LRP1B: variants seen among roughly 807,000 people sequenced by gnomAD.
LRP1B encodes the protein low-density lipoprotein receptor-related protein 1B.
LRP1B carries 217 observed loss-of-function variants against 556.6 expected under a neutral mutation model. That is an observed-to-expected ratio of 0.39 (90% CI 0.35 to 0.44). LRP1B has a LOEUF of 0.44. LRP1B is among the 20% of genes least tolerant of loss of function. The probability of loss-of-function intolerance (pLI) is 1.00; values close to 1 mark genes in which losing one functional copy is unlikely to be tolerated. For synonymous variants in LRP1B, 2,047 were observed against 1,865.8 expected (o/e 1.10, Z -2.50); for missense variants, 5,053 against 5,620.8 (o/e 0.90, Z 3.23).
chr2:140,519,559 T>A (rs1447979953), intron 49 of LRP1B, among the ~76,000 whole-genome samples: 4 of 152,118 alleles, frequency 2.6e-5, no homozygotes, highest in Non-Finnish European at 5.9e-5. Flanking sequence ...GGGCAAGGAC[T>A]TCATGACTAA....
intron 20 of LRP1B, among the ~76,000 whole-genome samples, chr2:140,927,227 C>A (rs953672592): frequency 6.6e-5 from 10 of 152,128 alleles, no homozygotes; most frequent in Non-Finnish European, 1.2e-4. Context: ...ATCACTTGAA[C>A]CCAGGAGGCA....
At chr2:140,367,775 A>T (rs1682827293) in intron 71 of LRP1B, among the ~76,000 whole-genome samples, 1 of 151,736 alleles carries the variant, frequency 6.6e-6, no homozygotes, top group South Asian at 2.1e-4. Context: ...TAATGACTAA[A>T]TCTCATCGCA....
intron 3 of LRP1B, among the ~76,000 whole-genome samples, chr2:141,281,415 G>C (rs754811060): frequency 1.3e-5 from 2 of 152,052 alleles, no homozygotes; most frequent in African/African-American, 2.4e-5. Context: ...AGTTACAAGA[G>C]AGACATTGGT....
intron 84 of LRP1B, among the ~76,000 whole-genome samples, chr2:140,291,626 C>T (rs952104445): frequency 3.9e-5 from 6 of 151,918 alleles, no homozygotes; most frequent in African/African-American, 1.5e-4. Context: ...CATGTCCGTA[C>T]AAAGGACATG....
chr2:141,620,827 T>G (rs541097501), intron 2 of LRP1B, among the ~76,000 whole-genome samples: 5 of 152,276 alleles, frequency 3.3e-5, no homozygotes, highest in Non-Finnish European at 5.9e-5. Context: ...ATAGTATTGA[T>G]TTTTTTAAGT....
At chr2:141,201,182 C>T (rs1681999093) in intron 6 of LRP1B, among the ~76,000 whole-genome samples, 2 of 152,180 alleles carry the variant, frequency 1.3e-5, no homozygotes, top group Admixed American at 1.3e-4. Context: ...AACACCATAA[C>T]ACGGTGCGAA....
chr2:141,365,971 C>A (rs867007311), intron 3 of LRP1B, among the ~76,000 whole-genome samples: 1 of 152,100 alleles, frequency 6.6e-6, no homozygotes, highest in Non-Finnish European at 1.5e-5. Context: ...CCGCACCCGG[C>A]CAACAAGTTC....
intron 1 of LRP1B, among the ~76,000 whole-genome samples, chr2:141,961,924 C>A: frequency 6.6e-6 from 1 of 151,552 alleles, no homozygotes; most frequent in South Asian, 2.1e-4. Context: ...ATTGTGTTTA[C>A]GAATGGAAAA....
chr2:140,798,961 T>C (rs763764422), intron 32 of LRP1B, among the ~76,000 whole-genome samples: 6 of 152,124 alleles, frequency 3.9e-5, no homozygotes, highest in Admixed American at 3.9e-4. Context: ...TGTGTGTAAG[T>C]TATCCGGAAC....
chr2:141,827,450 G>A (rs137989667), intron 1 of LRP1B, among the ~76,000 whole-genome samples: 8 of 152,122 alleles, frequency 5.3e-5, no homozygotes, highest in African/African-American at 1.9e-4. Flanking sequence ...CCCTAGTTCT[G>A]TCTGCCCAGC....
At chr2:141,609,631 T>G (rs1307730046) in intron 2 of LRP1B, among the ~76,000 whole-genome samples, 1 of 152,174 alleles carries the variant, frequency 6.6e-6, no homozygotes, top group Admixed American at 6.5e-5. Flanking sequence ...TCATAAAAAT[T>G]TAACAATTGA....
intron 84 of LRP1B, among the ~76,000 whole-genome samples, chr2:140,293,716 C>T (rs1683491580): frequency 6.6e-6 from 1 of 152,088 alleles, no homozygotes; most frequent in Non-Finnish European, 1.5e-5. Flanking sequence ...ATGTTTTTGT[C>T]AGCTGTTGAA....
chr2:141,684,753 T>C (rs1045987249), intron 2 of LRP1B, among the ~76,000 whole-genome samples: 1 of 152,042 alleles, frequency 6.6e-6, no homozygotes, highest in Non-Finnish European at 1.5e-5. Flanking sequence ...ATGGAGCAAA[T>C]CTTTGTGATA....
At chr2:140,270,184 A>G in intron 86 of LRP1B, 58 bp downstream of exon 86, 1 of 1,188,178 alleles carries the variant, frequency 8.4e-7, no homozygotes, top group South Asian at 1.2e-5. Context: ...TAGAACAGGG[A>G]TTTCATGTAC....
At chr2:141,161,154 A>T (rs1433386297) in intron 7 of LRP1B, among the ~76,000 whole-genome samples, 1 of 151,998 alleles carries the variant, frequency 6.6e-6, no homozygotes, top group Non-Finnish European at 1.5e-5. Flanking sequence ...TTAGTGCAAA[A>T]TTTTTTAAAA....
At chr2:141,285,171 C>T (rs1359528418) in intron 3 of LRP1B, among the ~76,000 whole-genome samples, 2 of 149,002 alleles carry the variant, frequency 1.3e-5, no homozygotes, top group Non-Finnish European at 3.0e-5. Context: ...AATCTTGGCT[C>T]ACTGCACCCT....
chr2:140,274,481 A>G lies in LRP1B; in HGVS notation c.13085T>C (p.Val4362Ala). 1 of 1,612,774 alleles carries G rather than the reference A, an allele frequency of 6.2e-7. No individual in the cohort carries two copies. ...AATGCAGTGCCCCCCATGGCACCTTACACACTTGTCAACCTCACATTTTGG... is the reference window on the plus strand; with the variant it reads ...AATGCAGTGCCCCCCATGGCACCTTGCACACTTGTCAACCTCACATTTTGG... ...EGPKCEVDKC[V>A]RCHGGHCIIN... Residue 4362 changes from valine to alanine, a missense_variant, in exon 85 of 91, where the codon GTA (valine) becomes GCA (alanine). By Grantham distance (64) the Val-to-Ala change is moderately conservative. Around this residue, in one of 5 missense-constraint regions of LRP1B, gnomAD observed 551 missense variants for 592.0 expected, o/e 0.93. Coordinates refer to ENST00000389484, the MANE Select transcript of LRP1B (RefSeq NM_018557.3).
At chr2:140,616,715 AT>A (rs1481057418) in intron 41 of LRP1B, among the ~76,000 whole-genome samples, 1 of 151,888 alleles carries the variant, frequency 6.6e-6, no homozygotes, top group Non-Finnish European at 1.5e-5. Context: ...ATTAACTATC[AT>A]TTTTTAAATA....
intron 31 of LRP1B, among the ~76,000 whole-genome samples, chr2:140,825,896 G>A (rs182419964): frequency 6.6e-6 from 1 of 152,290 alleles, no homozygotes; most frequent in Non-Finnish European, 1.5e-5. Context: ...GTGATACCCA[G>A]TCATTCAATC....
Sources: allele counts gnomAD v4.1 joint callset (sites outside exome capture counted in the v4.1 genomes callset), GRCh38; gene constraint gnomAD v4.1.1; regional missense constraint gnomAD v4.1.1; transcripts MANE v1.5; gene names NCBI Gene and HGNC (gene_info 2026-07-23, HGNC 2026-07-21).